The following CCDC81 variants were observed in gnomAD, a reference collection of about 807,000 sequenced individuals.
CCDC81 encodes the protein coiled-coil domain containing 81, also known as coiled-coil domain-containing protein 81.
CCDC81 carries 79 observed loss-of-function variants against 83.7 expected under a neutral mutation model. That is an observed-to-expected ratio of 0.94 (90% CI 0.79 to 1.14). The LOEUF (loss-of-function observed/expected upper bound fraction) is 1.14. Ranked by LOEUF, CCDC81 falls within the 50% of genes most tolerant of loss-of-function variation. The pLI, the probability that CCDC81 is intolerant of heterozygous loss-of-function variation, is 0.00. For missense variants in CCDC81, 791 were observed against 778.1 expected, an observed-to-expected ratio of 1.02 and a Z score of -0.20; for synonymous variants, 252 against 278.1, an observed-to-expected ratio of 0.91 and a Z score of 0.93.
intron 3 of CCDC81, among the ~76,000 whole-genome samples, chr11:86,392,218 C>T (rs1278609988): frequency 1.3e-5 from 2 of 152,076 alleles, no homozygotes; most frequent in African/African-American, 4.8e-5. Context: ...TTTAGGAAAC[C>T]CTCTGAGGAA....
Position 86,422,779 on chromosome 11 carries a change from T to C in CCDC81, c.*64T>C, listed in dbSNP as rs553605261. On this transcript the variant is annotated 3_prime_UTR_variant, in exon 15 of 15. Transcript: ENST00000445632. ...TTATCTTTTACATGTTTGGGGGTGA[T>C]TGTGAAACTGCGTATTTTTACCTCA... 1.4e-6 allele frequency: 2 copies of C among 1,479,372 alleles called. No homozygotes were observed. Among genetic ancestry groups the C allele is most frequent in the South Asian group, 1.2e-5 (1 of 80,490 alleles). The allele number at this position is 1,479,372 out of a possible 1,614,324, so 91.6% of individuals were successfully genotyped here.
intron 7 of CCDC81, 140 bp downstream of exon 7, chr11:86,400,941 A>C (rs1948478882): frequency 5.7e-6 from 5 of 875,536 alleles, no homozygotes; most frequent in East Asian, 5.4e-5. Flanking sequence ...CATGATGGGA[A>C]TAATAAAGGT....
Position 86,412,532 on chromosome 11 carries a change from G to T in CCDC81, c.1364G>T (p.Arg455Leu), listed in dbSNP as rs537836989. The T allele has an allele frequency of 1.2e-6, 2 of 1,610,854 alleles. No individual in the cohort carries two copies. The highest frequency in any genetic ancestry group is 1.7e-6 in the Non-Finnish European group (2 of 1,178,988). The change falls in exon 11 of 15, where the codon CGC becomes CTC. Residue 455 changes from arginine to leucine, a missense_variant. Coordinates refer to ENST00000445632, the MANE Select transcript of CCDC81 (RefSeq NM_001156474.2). ...AGACAATACAGAGAGTTGATGGACC[G>T]CCTGGAACAAGTGCAACTCACAGAG... ...KQRQYRELMD[R>L]LEQVQLTEEL...
chr11:86,383,382 T>C (rs1948198915), intron 1 of CCDC81, among the ~76,000 whole-genome samples: 2 of 152,236 alleles, frequency 1.3e-5, no homozygotes, highest in Non-Finnish European at 2.9e-5. Flanking sequence ...TTGACATTAA[T>C]GACTTTTTCA....
intron 6 of CCDC81, 109 bp from the exon 7 acceptor site, chr11:86,400,569 A>T: frequency 1.8e-6 from 2 of 1,101,058 alleles, no homozygotes; most frequent in Non-Finnish European, 2.6e-6. Context: ...GTGATTATTT[A>T]AAGATAAGAG....
chr11:86,421,349 G>A (rs7932498), intron 14 of CCDC81, among the ~76,000 whole-genome samples: 51,674 of 151,446 alleles, frequency 0.34, 9,288 homozygotes, highest in Admixed American at 0.41. Flanking sequence ...TCACTCTGTC[G>A]CACAGGCTGG....
chr11:86,410,047 C>T (rs1948620076), intron 10 of CCDC81, among the ~76,000 whole-genome samples: 1 of 152,192 alleles, frequency 6.6e-6, no homozygotes, highest in Non-Finnish European at 1.5e-5. Flanking sequence ...ACCCCAGACT[C>T]CCTGAATGGG....
At chr11:86,392,350 C>T (rs1053451945) in intron 3 of CCDC81, among the ~76,000 whole-genome samples, 191 bp from the exon 4 acceptor site, 3 of 152,116 alleles carry the variant, frequency 2.0e-5, no homozygotes, top group Non-Finnish European at 4.4e-5. Flanking sequence ...GAAAATTGTA[C>T]TGATTAATAT....
At chr11:86,377,352 T>C (rs1182329593) in intron 1 of CCDC81, among the ~76,000 whole-genome samples, 2 of 152,178 alleles carry the variant, frequency 1.3e-5, no homozygotes, top group Admixed American at 1.3e-4. Context: ...GGTAAGAGGA[T>C]GTTTAGTTTT....
At chr11:86,412,261 C>T (rs1408263898) in intron 10 of CCDC81, 126 bp from the exon 11 acceptor site, 9 of 709,532 alleles carry the variant, frequency 1.3e-5, no homozygotes, top group South Asian at 5.8e-5. Flanking sequence ...CCAGCTGGTC[C>T]GTGTGTTGAG....
intron 1 of CCDC81, among the ~76,000 whole-genome samples, chr11:86,381,981 G>A (rs1320461639): frequency 2.0e-5 from 3 of 152,152 alleles, no homozygotes; most frequent in Non-Finnish European, 4.4e-5. Flanking sequence ...TATGGTGAGA[G>A]TATGATGTGA....
intron 2 of CCDC81, 120 bp from the exon 3 acceptor site, chr11:86,387,396 A>T (rs1214345047): frequency 4.8e-6 from 4 of 829,364 alleles, no homozygotes; most frequent in Non-Finnish European, 7.6e-6. Flanking sequence ...AGTCCTAGAG[A>T]TCACTGAATT....
At chr11:86,394,051 AG>A (rs572585256) in intron 4 of CCDC81, among the ~76,000 whole-genome samples, 15 of 152,330 alleles carry the variant, frequency 9.8e-5, no homozygotes, top group African/African-American at 3.6e-4. Flanking sequence ...GATTGCTAAG[AG>A]GATTGCCAAC....
chr11:86,381,756 T>G (rs1352934265), intron 1 of CCDC81, among the ~76,000 whole-genome samples: 1 of 152,190 alleles, frequency 6.6e-6, no homozygotes, highest in Admixed American at 6.5e-5. Context: ...GAGTGGTGAC[T>G]TCCTTACATA....
chr11:86,387,491 G>C (rs760642505), intron 2 of CCDC81, 25 bp from the exon 3 acceptor site: 1 of 1,609,316 alleles, frequency 6.2e-7, no homozygotes, highest in Non-Finnish European at 8.5e-7. Flanking sequence ...AATGAATTCT[G>C]TTTTGTTTTG....
intron 4 of CCDC81, among the ~76,000 whole-genome samples, chr11:86,393,611 C>A (rs1186726764): frequency 6.6e-6 from 1 of 152,126 alleles, no homozygotes; most frequent in African/African-American, 2.4e-5. Flanking sequence ...AGTTCTATAA[C>A]AAAATCTAAT....
At position 86,409,311 on chromosome 11, in the gene CCDC81, T is replaced by C; in HGVS notation, c.1164T>C (p.Asn388=). The C allele has an allele frequency of 6.5e-7, 1 of 1,546,202 alleles. No homozygotes were observed. Among genetic ancestry groups the C allele is most frequent in the African/African-American group, 1.4e-5 (1 of 71,262 alleles). The change falls in exon 10 of 15, where the codon AAT becomes AAC. Residue 388 remains asparagine, a synonymous_variant. Transcript: ENST00000445632. ...AGAATCAGAAAAATGCTGCCTATAA[T>C]CTTGGAGTTGCTGAAGCTATAAGAA... ...REQNQKNAAY[N]LGVAEAIRNH...
chr11:86,389,449 T>G (rs1370086571), intron 3 of CCDC81, among the ~76,000 whole-genome samples: 1 of 152,208 alleles, frequency 6.6e-6, no homozygotes, highest in Non-Finnish European at 1.5e-5. Context: ...CTCATAGTTC[T>G]GCAGGCTTAA....
chr11:86,394,670 A>C (rs1948378962), intron 4 of CCDC81, among the ~76,000 whole-genome samples: 1 of 152,214 alleles, frequency 6.6e-6, no homozygotes, highest in African/African-American at 2.4e-5. Context: ...CTTTTTGGGA[A>C]TTCACTTCAA....
Sources: gnomAD v4.1 joint callset for allele counts (sites outside exome capture counted in the v4.1 genomes callset) on GRCh38, gnomAD v4.1.1 for gene constraint, MANE v1.5 for transcripts, NCBI Gene and HGNC (gene_info 2026-07-23, HGNC 2026-07-21) for gene names.